Variants in DPP9 observed in about 807,000 individuals in gnomAD.
The protein encoded by DPP9 is dipeptidyl peptidase IV-related protein-2.
In DPP9, 50 loss-of-function variants were observed where a neutral mutation model predicts 110.7. The ratio of observed to expected loss-of-function variants is 0.45; its 90% CI spans 0.36 to 0.57. DPP9 has a LOEUF of 0.57. DPP9 is among the 20% of genes least tolerant of loss of function. The pLI, the probability that DPP9 is intolerant of heterozygous loss-of-function variation, is 0.00. For synonymous variants in DPP9, 561 were observed against 514.4 expected (o/e 1.09, Z -1.23); for missense variants, 1,022 against 1,217.9 (o/e 0.84, Z 2.39).
At chr19:4,703,788 G>T in intron 7 of DPP9, 98 bp downstream of exon 7, 4 of 1,316,132 alleles carry the variant, frequency 3.0e-6, no homozygotes, top group Non-Finnish European at 3.1e-6. Context: ...GCTTGTGAGG[G>T]GTGTGTGCAG....
At chr19:4,716,437 A>C (rs963228173) in intron 3 of DPP9, among the ~76,000 whole-genome samples, 4 of 152,144 alleles carry the variant, frequency 2.6e-5, no homozygotes, top group African/African-American at 9.7e-5. Context: ...GCAGATCGAG[A>C]CCATCCTGGC....
At chr19:4,720,668 C>A (rs932654262) in intron 2 of DPP9, among the ~76,000 whole-genome samples, 1 of 152,052 alleles carries the variant, frequency 6.6e-6, no homozygotes, top group Non-Finnish European at 1.5e-5. Context: ...GTGTGGCTGT[C>A]ACAACTCGGG....
chr19:4,690,768 AGTATGTGTGTGAGT>A (rs2091242705), intron 14 of DPP9, 96 bp downstream of exon 14: 4 of 858,468 alleles, frequency 4.7e-6, no homozygotes, highest in East Asian at 5.3e-5. Context: ...TGTGAGAATG[AGTATGTGTGTGAGT>A]GTATGTGTGT....
In DPP9 at chr19:4,695,208, C is replaced by T; in HGVS notation, c.1353+170G>A. On this transcript the variant is annotated intron_variant, in intron 12 of 21. Coordinates refer to ENST00000262960, the MANE Select transcript of DPP9 (RefSeq NM_139159.5). The surrounding 1 kb of genome is among the most constrained non-coding windows in gnomAD (Gnocchi z 4.7). ...CCAATGGCTGCCAGACTCACCAACC[C>T]CCCTAGACCCTCTTCCCTGCCAGCC... is the stretch of plus-strand genomic sequence containing the variant. The T allele has an allele frequency of 1.5e-6, 1 of 687,620 alleles. No individual in the cohort carries two copies. The highest frequency in any genetic ancestry group is 2.4e-6 in the Non-Finnish European group (1 of 423,576). 42.6% of individuals were successfully genotyped at this position (687,620 alleles called of 1,614,324 possible).
intron 14 of DPP9, among the ~76,000 whole-genome samples, chr19:4,690,385 G>A (rs1394492860): frequency 6.6e-6 from 1 of 152,238 alleles, no homozygotes; most frequent in Non-Finnish European, 1.5e-5. Flanking sequence ...GGGCCTGAGA[G>A]GCCGGTGGAG....
At chr19:4,696,684 G>A (rs565601616) in intron 11 of DPP9, among the ~76,000 whole-genome samples, 4 of 152,160 alleles carry the variant, frequency 2.6e-5, no homozygotes, top group Admixed American at 2.0e-4. Flanking sequence ...GGGAGTCAGA[G>A]GTTGCAGTGA....
rs772821115 is a variant in DPP9 at position 4,702,011 on chromosome 19, T to G, written c.1012+16A>C. 2 of 1,610,914 alleles carry G rather than the reference T, an allele frequency of 1.2e-6. No individual in the cohort carries two copies. The highest frequency in any genetic ancestry group is 1.7e-6 in the Non-Finnish European group (2 of 1,178,276). ...CAGATCCCCGGCCCAGCCCCTCACA[T>G]GTACCGGGCACTCACCTGTCCTGGG... is the stretch of plus-strand genomic sequence containing the variant. On this transcript the variant is annotated intron_variant, in intron 9 of 21. Coordinates refer to ENST00000262960, the MANE Select transcript of DPP9 (RefSeq NM_139159.5).
chr19:4,722,848 T>G, intron 1 of DPP9: 1 of 341,174 alleles, frequency 2.9e-6, no homozygotes, highest in South Asian at 4.5e-5. Context: ...GGTTCTTGCC[T>G]GGGAGGCAAG....
chr19:4,678,046 G>A (rs1262028187), intron 21 of DPP9, among the ~76,000 whole-genome samples: 9 of 152,086 alleles, frequency 5.9e-5, no homozygotes, highest in Admixed American at 5.9e-4. Context: ...ACTTCCTGTG[G>A]GGAGGCAGTG....
chr19:4,693,029 G>T lies in DPP9; in HGVS notation c.1516+1632C>A, dbSNP rs931464837. The stretch of plus-strand genomic sequence containing the variant: ...AGTCCCGGATGCCTCGCTCCCTGGG[G>T]TCTCTGTCCCCTGTGTTGGGGGACG... On this transcript the variant is annotated intron_variant, in intron 13 of 21. Coordinates refer to ENST00000262960, the MANE Select transcript of DPP9 (RefSeq NM_139159.5). This position sits in a 1 kb window ranked among gnomAD's most constrained non-coding sequence, Gnocchi z 5.0. Among the ~76,000 whole-genome samples, 1 of 152,174 alleles carries T rather than the reference G, an allele frequency of 6.6e-6. No individual in the cohort carries two copies. The highest frequency in any genetic ancestry group is 1.9e-4 in the East Asian group (1 of 5,190).
At chr19:4,709,959 A>G (rs1599935561) in intron 4 of DPP9, among the ~76,000 whole-genome samples, 1 of 152,280 alleles carries the variant, frequency 6.6e-6, no homozygotes, top group East Asian at 1.9e-4. Context: ...TGATTAATCA[A>G]TGATCACCAA....
chr19:4,720,132 C>T (rs1379192162), intron 2 of DPP9, among the ~76,000 whole-genome samples, 191 bp from the exon 3 acceptor site: 1 of 152,194 alleles, frequency 6.6e-6, no homozygotes, highest in African/African-American at 2.4e-5. Context: ...AGGTTCTGGG[C>T]ATTTGCCAGA....
Position 4,676,234 on chromosome 19 carries a change from C to A in DPP9, c.*330G>T. The A allele has an allele frequency of 3.2e-6, 1 of 307,896 alleles. No homozygotes were observed. The highest frequency in any genetic ancestry group is 2.1e-5 in the African/African-American group (1 of 46,550). The allele number at this position is 307,896 out of a possible 1,614,324, so 19.1% of individuals were successfully genotyped here. A position where few individuals can be genotyped will look rare whatever the true frequency, so the allele number is the denominator to read the frequency against. On this transcript the variant is annotated 3_prime_UTR_variant, in exon 22 of 22. Transcript: ENST00000262960. This position sits in a 1 kb window ranked among gnomAD's most constrained non-coding sequence, Gnocchi z 4.0. ...GTCACAGGGAGCCCCAGGCGGAAGG[C>A]AGCCCGCTCCTCTGAGTCTCTTCTG...
rs2092201886 is a variant in DPP9 at position 4,700,841 on chromosome 19, A to G, written c.1013-564T>C. ...GGCGCGGGCCACAGCAGAGCGGAGAATGCTTATTTTTTTGGCTAGACCTAC... is the reference window on the plus strand; with the variant it reads ...GGCGCGGGCCACAGCAGAGCGGAGAGTGCTTATTTTTTTGGCTAGACCTAC... On this transcript the variant is annotated intron_variant, in intron 9 of 21. Transcript: ENST00000262960. This position sits in a 1 kb window ranked among gnomAD's most constrained non-coding sequence, Gnocchi z 4.3. 6.6e-6 allele frequency among the ~76,000 whole-genome samples: 1 copy of G among 152,194 alleles called. No homozygotes were observed. The highest frequency in any genetic ancestry group is 1.5e-5 in the Non-Finnish European group (1 of 68,038).
rs369770769 is a variant in DPP9 at position 4,695,371 on chromosome 19, C to A, written c.1353+7G>T. 1.3e-6 allele frequency: 2 copies of A among 1,558,880 alleles called. No individual in the cohort carries two copies. The highest frequency in any genetic ancestry group is 2.7e-5 in the African/African-American group (2 of 73,064). On this transcript the variant is annotated splice_region_variant and intron_variant, in intron 12 of 21. Coordinates refer to ENST00000262960, the MANE Select transcript of DPP9 (RefSeq NM_139159.5). The surrounding 1 kb of genome is among the most constrained non-coding windows in gnomAD (Gnocchi z 4.7). ...GCGGGCATACAGCCAGCGCTTGCCC[C>A]GCTTACATTGATCCAGACGTTGGTG...
intron 3 of DPP9, among the ~76,000 whole-genome samples, chr19:4,716,654 AAAAG>A (rs1472752734): frequency 4.6e-5 from 7 of 152,054 alleles, no homozygotes; most frequent in East Asian, 1.9e-4. Context: ...AGAAAAAAAA[AAAAG>A]AAAGAAAGAT....
At position 4,713,197 on chromosome 19, in the gene DPP9, G is replaced by A. The variant is rs574831801; in HGVS notation, c.313+884C>T. Among the ~76,000 whole-genome samples the A allele has an allele frequency of 1.5e-3, 236 of 152,348 alleles. 1 individual carries two copies. The highest frequency in any genetic ancestry group is 4.4e-3 in the Admixed American group (68 of 15,304). ...GGCCCCAATGTCCATGGTGCCAAGCGGGAGAGACGCTGCCTTTGGTCCCCA... is the reference window on the plus strand; with the variant it reads ...GGCCCCAATGTCCATGGTGCCAAGCAGGAGAGACGCTGCCTTTGGTCCCCA... On this transcript the variant is annotated intron_variant, in intron 4 of 21. Coordinates refer to ENST00000262960, the MANE Select transcript of DPP9 (RefSeq NM_139159.5).
intron 13 of DPP9, 26 bp from the exon 14 acceptor site, chr19:4,690,983 G>A (rs777674934): frequency 6.3e-7 from 1 of 1,585,902 alleles, no homozygotes; most frequent in Non-Finnish European, 8.6e-7. Flanking sequence ...GAAGGGAGGT[G>A]AAGGGGCCTG....
intron 21 of DPP9, among the ~76,000 whole-genome samples, chr19:4,679,055 C>T (rs2089358739): frequency 6.6e-6 from 1 of 150,406 alleles, no homozygotes; most frequent in South Asian, 2.1e-4. Context: ...GAAGCTCCAC[C>T]CTGCTTACTG....
Sources: allele counts gnomAD v4.1 joint callset (sites outside exome capture counted in the v4.1 genomes callset), GRCh38; gene constraint gnomAD v4.1.1; non-coding constraint Gnocchi (gnomAD v3.1); transcripts MANE v1.5; gene names NCBI Gene and HGNC (gene_info 2026-07-23, HGNC 2026-07-21).